The following PTPRN2 variants were observed in gnomAD, a reference collection of about 807,000 sequenced individuals.
PTPRN2 encodes the protein receptor-type tyrosine-protein phosphatase N2.
Under a neutral mutation model 118.8 loss-of-function variants are expected in PTPRN2, and 74 were observed. The ratio of observed to expected loss-of-function variants is 0.62; its 90% confidence interval spans 0.52 to 0.76. PTPRN2 has a LOEUF of 0.76. Ranked by LOEUF, PTPRN2 falls within the 30% of genes least tolerant of loss-of-function variation. The probability of loss-of-function intolerance (pLI) is 0.00; values close to 1 mark genes in which losing one functional copy is unlikely to be tolerated. For synonymous variants in PTPRN2, 641 were observed against 608.0 expected (o/e 1.05, Z -0.80); for missense variants, 1,481 against 1,394.4 (o/e 1.06, Z -0.99).
intron 1 of PTPRN2, among the ~76,000 whole-genome samples, chr7:158,523,232 G>T (rs1162003731): frequency 1.3e-5 from 2 of 152,214 alleles, no homozygotes; most frequent in African/African-American, 2.4e-5. Flanking sequence ...ACCAGGGGCG[G>T]GGGTGGTGGG....
intron 13 of PTPRN2, among the ~76,000 whole-genome samples, chr7:157,658,524 C>A (rs1037184559): frequency 6.6e-6 from 1 of 152,166 alleles, no homozygotes; most frequent in African/African-American, 2.4e-5. Context: ...GTGGGCATCC[C>A]GAGCACCTGC....
intron 3 of PTPRN2, among the ~76,000 whole-genome samples, chr7:158,304,638 C>A (rs1801147617): frequency 6.6e-6 from 1 of 152,244 alleles, no homozygotes; most frequent in Non-Finnish European, 1.5e-5. Context: ...TAAGCAGGGT[C>A]TTCCAGGGCA....
chr7:158,190,828 G>C (rs1449457837), intron 5 of PTPRN2, among the ~76,000 whole-genome samples: 1 of 152,278 alleles, frequency 6.6e-6, no homozygotes, highest in African/African-American at 2.4e-5. Context: ...GGACAGACTG[G>C]CTTCTGCATT....
chr7:157,608,652 G>A (rs1802148872), intron 15 of PTPRN2, among the ~76,000 whole-genome samples: 1 of 152,192 alleles, frequency 6.6e-6, no homozygotes, highest in African/African-American at 2.4e-5. Context: ...GGCCTGTGGA[G>A]GGGTCTTCGT....
intron 17 of PTPRN2, among the ~76,000 whole-genome samples, chr7:157,588,038 G>A (rs1481666485): frequency 4.0e-5 from 6 of 151,698 alleles, no homozygotes; most frequent in Admixed American, 3.3e-4. Flanking sequence ...CTGGGCTCCC[G>A]TGGTGGCTGT....
intron 1 of PTPRN2, among the ~76,000 whole-genome samples, chr7:158,540,955 T>G (rs58808620): frequency 0.031 from 4,651 of 152,280 alleles, 229 homozygotes; most frequent in African/African-American, 0.099. Flanking sequence ...AGTTACCTTC[T>G]TTAATCCCTA....
chr7:158,383,752 T>A (rs1453095), intron 2 of PTPRN2, among the ~76,000 whole-genome samples: 134,325 of 152,252 alleles, frequency 0.88, 60,708 homozygotes, highest in Non-Finnish European at 0.97. Flanking sequence ...AAACCCCAAC[T>A]AGAGCCCACC....
chr7:158,317,701 C>A (rs1802451469), intron 2 of PTPRN2, among the ~76,000 whole-genome samples: 1 of 152,206 alleles, frequency 6.6e-6, no homozygotes, highest in Non-Finnish European at 1.5e-5. Context: ...ACAGGGCGGC[C>A]ATCTGCAGCT....
At chr7:157,648,429 C>G in intron 14 of PTPRN2, among the ~76,000 whole-genome samples, 1 of 107,502 alleles carries the variant, frequency 9.3e-6, no homozygotes, top group Admixed American at 9.9e-5. Context: ...CTCGGTGGGT[C>G]GGACCCATTC....
intron 12 of PTPRN2, among the ~76,000 whole-genome samples, chr7:157,792,921 G>A (rs1377695850): frequency 6.6e-6 from 1 of 152,224 alleles, no homozygotes; most frequent in Non-Finnish European, 1.5e-5. Flanking sequence ...TCCCAGGGCC[G>A]CGGGTGCCGA....
chr7:157,942,001 G>A (rs1563259791), intron 11 of PTPRN2, among the ~76,000 whole-genome samples: 2 of 151,376 alleles, frequency 1.3e-5, no homozygotes, highest in Non-Finnish European at 2.9e-5. Flanking sequence ...CTTCAAATAT[G>A]GGGGTCCTTA....
At chr7:158,136,819 T>A in intron 7 of PTPRN2, 124 bp from the exon 8 acceptor site, 1 of 875,832 alleles carries the variant, frequency 1.1e-6, no homozygotes, top group Non-Finnish European at 1.9e-6. Flanking sequence ...GACGCTGGCC[T>A]AAGTCCTGCC....
At chr7:158,117,570 A>G (rs1006789270) in intron 9 of PTPRN2, among the ~76,000 whole-genome samples, 3 of 152,216 alleles carry the variant, frequency 2.0e-5, no homozygotes, top group Non-Finnish European at 4.4e-5. Flanking sequence ...AGCATCCAAG[A>G]AGCTCAGTGA....
At chr7:157,810,318 G>A (rs542519815) in intron 12 of PTPRN2, among the ~76,000 whole-genome samples, 5 of 152,230 alleles carry the variant, frequency 3.3e-5, no homozygotes, top group Non-Finnish European at 5.9e-5. Context: ...ACAGGCGGGC[G>A]CCCTGGCACT....
In PTPRN2 at chr7:158,070,109, A is replaced by G. The variant is rs1394944631; in HGVS notation, c.1723+11189T>C. On this transcript the variant is annotated intron_variant, in intron 11 of 22. Transcript: ENST00000389418. ...CATCCAGGCAGGGCTGGAGAGGCTG[A>G]TACCTGACCTAGATTGGTGCCTAAT... Among the ~76,000 whole-genome samples the G allele has an allele frequency of 1.3e-5, 2 of 152,240 alleles. 1 individual carries two copies. Among genetic ancestry groups the G allele is most frequent in the South Asian group, 4.1e-4 (2 of 4,834 alleles).
intron 12 of PTPRN2, among the ~76,000 whole-genome samples, chr7:157,715,140 G>A (rs546535785): frequency 2.4e-4 from 36 of 152,330 alleles, no homozygotes; most frequent in Non-Finnish European, 5.0e-4. Flanking sequence ...TGAGTGAAAT[G>A]TGTGCTTAAA....
Position 158,290,213 on chromosome 7 carries a change from T to C in PTPRN2, c.277+26606A>G, listed in dbSNP as rs1255041024. On this transcript the variant is annotated intron_variant, in intron 3 of 22. Coordinates refer to ENST00000389418, the MANE Select transcript of PTPRN2 (RefSeq NM_002847.5). ...GGGGCTGGCTGGCACCAGGGGTCTATTGGAGTGGGCCTGGACTCTGAGTTC... is the reference window on the plus strand; with the variant it reads ...GGGGCTGGCTGGCACCAGGGGTCTACTGGAGTGGGCCTGGACTCTGAGTTC... Among the ~76,000 whole-genome samples the C allele has an allele frequency of 2.0e-5, 3 of 152,084 alleles. No homozygotes were observed. In the East Asian group the frequency reaches 5.8e-4, roughly 30 times the overall value.
At chr7:158,284,409 A>G in intron 3 of PTPRN2, among the ~76,000 whole-genome samples, 1 of 152,154 alleles carries the variant, frequency 6.6e-6, no homozygotes, top group Non-Finnish European at 1.5e-5. Flanking sequence ...GGCCCTCTTG[A>G]TGCTCTATGA....
chr7:157,542,088 A>G lies in PTPRN2; in HGVS notation c.2977-1303T>C, dbSNP rs1189315815. On this transcript the variant is annotated intron_variant, in intron 22 of 22. Coordinates refer to ENST00000389418, the MANE Select transcript of PTPRN2 (RefSeq NM_002847.5). ...TCTCCCCTCTGCACTGCCAGAGGGC[A>G]CCTTTCTGCTCCTCGAAATTACGTG... is the stretch of plus-strand genomic sequence containing the variant. Among the ~76,000 whole-genome samples the G allele has an allele frequency of 2.0e-5, 3 of 152,082 alleles. 1 individual carries two copies. The highest frequency in any genetic ancestry group is 4.1e-4 in the South Asian group (2 of 4,826).
Sources: allele counts gnomAD v4.1 joint callset (sites outside exome capture counted in the v4.1 genomes callset), GRCh38; gene constraint gnomAD v4.1.1; transcripts MANE v1.5; gene names NCBI Gene and HGNC (gene_info 2026-07-23, HGNC 2026-07-21).